SETD2: variants seen among roughly 807,000 people sequenced by gnomAD.
The protein encoded by SETD2 is SET domain containing 2, histone lysine methyltransferase.
A neutral mutation model predicts 242.1 loss-of-function variants in SETD2; 31 were observed. That is an observed-to-expected ratio of 0.13 (90% CI 0.10 to 0.17). SETD2 has a LOEUF of 0.17. Ranked by LOEUF, SETD2 falls within the 10% of genes least tolerant of loss-of-function variation. The pLI, the probability that SETD2 is intolerant of heterozygous loss-of-function variation, is 1.00. For missense variants in SETD2, 2,481 were observed against 3,046.3 expected, an observed-to-expected ratio of 0.81 and a Z score of 4.37; for synonymous variants, 1,006 against 1,066.5, an observed-to-expected ratio of 0.94 and a Z score of 1.11.
chr3:47,077,810 A>T (rs150236349), intron 12 of SETD2, among the ~76,000 whole-genome samples: 3 of 152,212 alleles, frequency 2.0e-5, no homozygotes, highest in Admixed American at 6.5e-5. Flanking sequence ...AAAAGGTAAA[A>T]GAAAATAATG....
intron 12 of SETD2, among the ~76,000 whole-genome samples, chr3:47,076,894 T>C (rs1191858739): frequency 6.6e-6 from 1 of 152,222 alleles, no homozygotes; most frequent in Non-Finnish European, 1.5e-5. Context: ...AAGGCTTTGT[T>C]CTTAGAGTAA....
At chr3:47,161,947 A>C (rs1472162202) in intron 1 of SETD2, among the ~76,000 whole-genome samples, 2 of 152,042 alleles carry the variant, frequency 1.3e-5, no homozygotes, top group Admixed American at 1.3e-4. Context: ...ACGAGAATTT[A>C]AAAATATATA....
intron 18 of SETD2, 136 bp from the exon 19 acceptor site, chr3:47,019,976 T>A (rs2038147289): frequency 2.1e-5 from 15 of 709,646 alleles, no homozygotes; most frequent in Non-Finnish European, 3.7e-5. Flanking sequence ...TTAGAGGCCC[T>A]GACTCAGGTA....
intron 1 of SETD2, among the ~76,000 whole-genome samples, chr3:47,143,215 G>GC (rs1206503173): frequency 1.1e-4 from 16 of 152,052 alleles, no homozygotes; most frequent in Admixed American, 2.0e-4. Context: ...CACTGCTTGA[G>GC]CCCAGGACGT....
chr3:47,079,615 T>G (rs2041242153), intron 12 of SETD2, among the ~76,000 whole-genome samples: 1 of 152,202 alleles, frequency 6.6e-6, no homozygotes. Context: ...ACTTTTTCTG[T>G]AAAGGACAAG....
At chr3:47,133,746 T>G (rs1004902929) in intron 1 of SETD2, among the ~76,000 whole-genome samples, 1 of 151,972 alleles carries the variant, frequency 6.6e-6, no homozygotes, top group African/African-American at 2.4e-5. Context: ...AAAAAGAGTA[T>G]GTGGACCCTT....
At chr3:47,100,954 G>A (rs1237208549) in intron 8 of SETD2, among the ~76,000 whole-genome samples, 3 of 134,584 alleles carry the variant, frequency 2.2e-5, no homozygotes, top group African/African-American at 8.3e-5. Context: ...AGCTTGCAGT[G>A]AGCCAAGATC....
rs2106658746 is a variant in SETD2 at position 47,121,715 on chromosome 3, C to T, written c.2921G>A (p.Arg974Lys). The T allele has an allele frequency of 6.2e-7, 1 of 1,614,152 alleles. No individual in the cohort carries two copies. Among genetic ancestry groups the T allele is most frequent in the African/African-American group, 1.3e-5 (1 of 75,052 alleles). ...EEGNSILPER[R>K]GRPEISLDER... Reference sequence around the variant, plus strand: ...ATCTAAAGAGATTTCTGGTCTTCCTCTTCTTTCAGGCAATATGGAATTCCC... The same window carrying T: ...ATCTAAAGAGATTTCTGGTCTTCCTTTTCTTTCAGGCAATATGGAATTCCC... Residue 974 changes from arginine (R) to lysine (K), a missense_variant, in exon 3 of 21, where the codon AGA (arginine) becomes AAA (lysine). Arg to Lys is a conservative substitution (Grantham distance 26). Around this residue, in one of 17 missense-constraint regions of SETD2, gnomAD observed 1,300 missense variants for 1,259.2 expected, o/e 1.03. Coordinates refer to ENST00000409792, the MANE Select transcript of SETD2 (RefSeq NM_014159.7).
rs2107484278 is a variant in SETD2 at position 47,017,093 on chromosome 3, T to C, written c.7695A>G (p.Ter2565TrpextTer35). The C allele has an allele frequency of 6.2e-7, 1 of 1,613,918 alleles. No individual in the cohort carries two copies. The highest frequency in any genetic ancestry group is 1.1e-5 in the South Asian group (1 of 91,074). Residue 2565 changes from the stop codon to tryptophan (W), a stop_lost, in exon 21 of 21, where the codon TGA (stop) becomes TGG (tryptophan). Transcript: ENST00000409792. The surrounding 1 kb of genome is among the most constrained non-coding windows in gnomAD (Gnocchi z 4.8). Reference sequence around the variant, plus strand: ...CCATCCTCCCACCCTGGCCCAACAGTCACTCTAATTCAGTGTCCTCTTTGG... The same window carrying C: ...CCATCCTCCCACCCTGGCCCAACAGCCACTCTAATTCAGTGTCCTCTTTGG... ...YKPKEDTELE[*>W]
chr3:47,017,707 A>T lies in SETD2; in HGVS notation c.7464T>A (p.Pro2488=), dbSNP rs895374808. The change falls in exon 20 of 21, where the codon CCT becomes CCA. Residue 2488 remains proline (P), a synonymous_variant. Coordinates refer to ENST00000409792, the MANE Select transcript of SETD2 (RefSeq NM_014159.7). The surrounding 1 kb of genome is among the most constrained non-coding windows in gnomAD (Gnocchi z 4.8). The part of the protein sequence containing the change: ...MSQFIVQCLN[P]YRKPDCKVGR... ...CCACTTTGCAGTCAGGTTTCCGGTA[A>T]GGGTTCAGGCACTGGACGATGAACT... is the stretch of plus-strand genomic sequence containing the variant. 3.1e-6 allele frequency: 5 copies of T among 1,613,918 alleles called. No homozygotes were observed. In the African/African-American group the frequency reaches 6.7e-5, roughly 22 times the overall value.
chr3:47,129,960 C>T (rs1393787351), intron 1 of SETD2, among the ~76,000 whole-genome samples: 2 of 151,666 alleles, frequency 1.3e-5, no homozygotes, highest in Non-Finnish European at 2.9e-5. Flanking sequence ...GGGGAAGAGA[C>T]AGGGTAAAAG....
At chr3:47,109,985 CAAA>C (rs1167745997) in intron 5 of SETD2, among the ~76,000 whole-genome samples, 3 of 60,512 alleles carry the variant, frequency 5.0e-5, no homozygotes, top group Non-Finnish European at 3.3e-5. Context: ...GACTCCATCT[CAAA>C]AAAAAAAAAA....
chr3:47,024,734 A>G (rs2038396304), intron 18 of SETD2, among the ~76,000 whole-genome samples: 1 of 152,214 alleles, frequency 6.6e-6, no homozygotes, highest in Non-Finnish European at 1.5e-5. Flanking sequence ...TTAACATAAC[A>G]TAGTTAGAGG....
At chr3:47,094,851 C>A (rs2041945314) in intron 9 of SETD2, among the ~76,000 whole-genome samples, 1 of 152,160 alleles carries the variant, frequency 6.6e-6, no homozygotes, top group Admixed American at 6.5e-5. Context: ...TGACTGGATA[C>A]AAGTTACATC....
intron 1 of SETD2, among the ~76,000 whole-genome samples, chr3:47,132,938 T>C (rs2043511626): frequency 6.6e-6 from 1 of 152,218 alleles, no homozygotes; most frequent in South Asian, 2.1e-4. Context: ...TTAAAACTTG[T>C]CAAAATAATT....
chr3:47,104,223 T>G (rs1173528902), intron 6 of SETD2, among the ~76,000 whole-genome samples: 6 of 136,528 alleles, frequency 4.4e-5, no homozygotes, highest in Non-Finnish European at 8.0e-5. Context: ...CTCTTTTCAC[T>G]AAAAAAAAAA....
At chr3:47,125,456 T>C (rs910664135) in intron 2 of SETD2, among the ~76,000 whole-genome samples, 4 of 152,196 alleles carry the variant, frequency 2.6e-5, no homozygotes, top group Middle Eastern at 3.2e-3. Flanking sequence ...TTTGAGGTTT[T>C]GGTTTTTAAA....
At chr3:47,077,576 G>C (rs999734139) in intron 12 of SETD2, among the ~76,000 whole-genome samples, 1 of 152,190 alleles carries the variant, frequency 6.6e-6, no homozygotes, top group Non-Finnish European at 1.5e-5. Flanking sequence ...GAAGTACATT[G>C]TGTGTACGTA....
intron 6 of SETD2, among the ~76,000 whole-genome samples, chr3:47,104,296 C>T (rs1174184375): frequency 6.6e-6 from 1 of 151,946 alleles, no homozygotes; most frequent in African/African-American, 2.4e-5. Context: ...AATCCCAGTG[C>T]TTTGGGAAGT....
Sources: gnomAD v4.1 joint callset for allele counts (sites outside exome capture counted in the v4.1 genomes callset) on GRCh38, gnomAD v4.1.1 for gene constraint, gnomAD v4.1.1 regional missense constraint, Gnocchi (gnomAD v3.1) non-coding constraint, MANE v1.5 for transcripts, NCBI Gene and HGNC (gene_info 2026-07-23, HGNC 2026-07-21) for gene names.